TSPAN18: variants seen among roughly 807,000 people sequenced by gnomAD.
The protein encoded by TSPAN18 is tetraspanin-18.
A neutral mutation model predicts 27.3 loss-of-function variants in TSPAN18; 14 were observed. That is an observed-to-expected ratio of 0.51 (90% CI 0.34 to 0.80). The LOEUF (loss-of-function observed/expected upper bound fraction) is 0.80, where lower values mean the gene tolerates loss of function less well. TSPAN18 is among the 30% of genes least tolerant of loss of function. The probability of loss-of-function intolerance (pLI) is 0.01; values close to 1 mark genes in which losing one functional copy is unlikely to be tolerated. For synonymous variants in TSPAN18, 143 were observed against 136.5 expected (o/e 1.05, Z -0.33); for missense variants, 268 against 323.9 (o/e 0.83, Z 1.32).
chr11:44,735,621 CTT>C (rs797010014), intron 1 of TSPAN18, among the ~76,000 whole-genome samples: 25 of 140,480 alleles, frequency 1.8e-4, no homozygotes, highest in South Asian at 2.3e-4. Context: ...ATGACCTCCT[CTT>C]TTTTTTTTTT....
intron 3 of TSPAN18, among the ~76,000 whole-genome samples, chr11:44,864,819 G>T (rs1374374518): frequency 6.6e-6 from 1 of 152,180 alleles, no homozygotes; most frequent in African/African-American, 2.4e-5. Flanking sequence ...ATTATTTCTG[G>T]AGGACGCCAA....
chr11:44,730,149 T>C (rs1432331364), intron 1 of TSPAN18, among the ~76,000 whole-genome samples: 1 of 151,954 alleles, frequency 6.6e-6, no homozygotes, highest in East Asian at 1.9e-4. Flanking sequence ...AAATCCTGCG[T>C]TGAGTGAATG....
At chr11:44,880,961 G>A (rs539848350) in intron 3 of TSPAN18, among the ~76,000 whole-genome samples, 2 of 152,374 alleles carry the variant, frequency 1.3e-5, no homozygotes, top group South Asian at 4.1e-4. Flanking sequence ...GGGACTGGCT[G>A]TCCGTCCTCC....
intron 2 of TSPAN18, among the ~76,000 whole-genome samples, chr11:44,822,173 C>T (rs1000998295): frequency 1.3e-5 from 2 of 152,084 alleles, no homozygotes; most frequent in South Asian, 2.1e-4. Context: ...AGGAGGCATT[C>T]AGTAAATAGT....
intron 2 of TSPAN18, among the ~76,000 whole-genome samples, chr11:44,779,240 C>A (rs1420702288): frequency 6.6e-6 from 1 of 152,140 alleles, no homozygotes; most frequent in African/African-American, 2.4e-5. Context: ...TCAGTTTACC[C>A]CAGGTCATGT....
At chr11:44,880,346 G>C (rs1354241237) in intron 3 of TSPAN18, among the ~76,000 whole-genome samples, 1 of 152,218 alleles carries the variant, frequency 6.6e-6, no homozygotes, top group Non-Finnish European at 1.5e-5. Flanking sequence ...TGGATAGAGA[G>C]ACCCTCGTGC....
At chr11:44,854,211 G>GC (rs1554992215) in intron 2 of TSPAN18, among the ~76,000 whole-genome samples, 15 of 135,742 alleles carry the variant, frequency 1.1e-4, no homozygotes, top group African/African-American at 4.2e-4. Flanking sequence ...GGGGGGGGGG[G>GC]TTTGTGTGCG....
intron 3 of TSPAN18, among the ~76,000 whole-genome samples, chr11:44,899,840 C>T (rs1252933346): frequency 6.6e-6 from 1 of 152,244 alleles, no homozygotes; most frequent in Non-Finnish European, 1.5e-5. Flanking sequence ...ACTCTCCCTT[C>T]AGGGACCCTT....
intron 1 of TSPAN18, among the ~76,000 whole-genome samples, chr11:44,735,773 C>T (rs956889183): frequency 2.6e-5 from 4 of 152,148 alleles, no homozygotes; most frequent in East Asian, 1.9e-4. Flanking sequence ...CCCACCACCA[C>T]GCCTGGCTAA....
At chr11:44,877,020 G>A (rs1858353786) in intron 3 of TSPAN18, among the ~76,000 whole-genome samples, 1 of 152,234 alleles carries the variant, frequency 6.6e-6, no homozygotes, top group Non-Finnish European at 1.5e-5. Context: ...CCAGGATGGA[G>A]GGACTTCTCC....
chr11:44,797,476 G>A (rs1380188971), intron 2 of TSPAN18, among the ~76,000 whole-genome samples: 1 of 152,166 alleles, frequency 6.6e-6, no homozygotes, highest in Non-Finnish European at 1.5e-5. Context: ...TCTGAGCGAT[G>A]TGAGGGATGA....
At chr11:44,890,439 C>A (rs1858806052) in intron 3 of TSPAN18, among the ~76,000 whole-genome samples, 1 of 152,206 alleles carries the variant, frequency 6.6e-6, no homozygotes, top group East Asian at 1.9e-4. Flanking sequence ...CTGGGAATTT[C>A]TTGGCCGGGA....
chr11:44,747,521 G>A lies in TSPAN18; in HGVS notation c.-239-16905G>A, dbSNP rs147289491. Among the ~76,000 whole-genome samples, 136 of 152,270 alleles carry A rather than the reference G, an allele frequency of 8.9e-4. 1 individual carries two copies. Among genetic ancestry groups the A allele is most frequent in the African/African-American group, 3.1e-3 (128 of 41,550 alleles). Reference sequence around the variant, plus strand: ...CTGCTCAGGAATCTTAAATATGATCGTGAATATGACGGTTGCCATTACGAC... The same window carrying A: ...CTGCTCAGGAATCTTAAATATGATCATGAATATGACGGTTGCCATTACGAC... On this transcript the variant is annotated intron_variant, in intron 1 of 9. Coordinates refer to ENST00000520358, the MANE Select transcript of TSPAN18 (RefSeq NM_130783.5).
chr11:44,731,641 A>T (rs1464201534), intron 1 of TSPAN18, among the ~76,000 whole-genome samples: 12 of 148,334 alleles, frequency 8.1e-5, no homozygotes, highest in Non-Finnish European at 1.5e-4. Context: ...TGTGAGAGAG[A>T]GAGAGAGAGA....
Position 44,843,131 on chromosome 11 carries a change from T to A in TSPAN18, c.-152-17197T>A, listed in dbSNP as rs59280205. On this transcript the variant is annotated intron_variant, in intron 2 of 9. Transcript: ENST00000520358. The stretch of plus-strand genomic sequence containing the variant: ...AGTAGTTTGTTCTTCTGTATTTCTA[T>A]GTAATATTCCATTGTAGGAATATAT... Among the ~76,000 whole-genome samples the A allele has an allele frequency of 3.6e-4, 55 of 152,372 alleles. 1 individual carries two copies. The highest frequency in any genetic ancestry group is 1.3e-3 in the African/African-American group (52 of 41,596).
intron 2 of TSPAN18, among the ~76,000 whole-genome samples, chr11:44,840,914 G>C (rs1160981315): frequency 6.6e-6 from 1 of 152,094 alleles, no homozygotes; most frequent in Non-Finnish European, 1.5e-5. Context: ...TTTCCTCCTT[G>C]TCTCCAAGGG....
intron 2 of TSPAN18, among the ~76,000 whole-genome samples, chr11:44,779,992 C>T (rs1855900462): frequency 1.3e-5 from 2 of 152,248 alleles, no homozygotes; most frequent in East Asian, 3.8e-4. Flanking sequence ...CATACCTGCA[C>T]ACACCTGCCT....
At chr11:44,734,302 G>A (rs1422102006) in intron 1 of TSPAN18, among the ~76,000 whole-genome samples, 1 of 152,182 alleles carries the variant, frequency 6.6e-6, no homozygotes, top group Admixed American at 6.5e-5. Flanking sequence ...TGGGGCCCTA[G>A]GAGGCTTTCC....
At chr11:44,923,195 C>T (rs551429032) in intron 8 of TSPAN18, among the ~76,000 whole-genome samples, 2 of 152,150 alleles carry the variant, frequency 1.3e-5, no homozygotes, top group African/African-American at 4.8e-5. Flanking sequence ...CTGGAGGGGT[C>T]GGTGCTGGAG....
Sources: allele counts gnomAD v4.1 joint callset (sites outside exome capture counted in the v4.1 genomes callset), GRCh38; gene constraint gnomAD v4.1.1; transcripts MANE v1.5; gene names NCBI Gene and HGNC (gene_info 2026-07-23, HGNC 2026-07-21).